MRPL37: variants seen among roughly 807,000 people sequenced by gnomAD.
MRPL37 encodes the protein mitochondrial ribosomal protein L37, also known as large ribosomal subunit protein mL37.
Under a neutral mutation model 44.1 loss-of-function variants are expected in MRPL37, and 34 were observed. That is an observed-to-expected ratio of 0.77 (90% CI 0.59 to 1.03). The LOEUF is 1.03. MRPL37 is among the 50% of genes least tolerant of loss of function. The pLI is 0.00. For missense variants in MRPL37, 532 were observed against 543.7 expected (o/e 0.98, Z 0.21); for synonymous variants, 212 against 219.5 (o/e 0.97, Z 0.30).
chr1:54,200,303 T>TG lies in MRPL37; in HGVS notation c.65dup (p.Phe23LeufsTer10). 1 of 1,612,754 alleles carries TG rather than the reference T, an allele frequency of 6.2e-7. No homozygotes were observed. The highest frequency in any genetic ancestry group is 8.5e-7 in the Non-Finnish European group (1 of 1,179,670). ...TAGCTGGCTCCGGGCAGCTCGGCCT[T>TG]GGGGGCTTCGGGGCCCCGAGACGCG... On this transcript the variant is annotated frameshift_variant, in exon 1 of 7. Transcript: ENST00000360840. LOFTEE classifies it high-confidence loss of function.
At chr1:54,204,747 C>T (rs1174074018) in intron 1 of MRPL37, among the ~76,000 whole-genome samples, 1 of 152,216 alleles carries the variant, frequency 6.6e-6, no homozygotes, top group Non-Finnish European at 1.5e-5. Flanking sequence ...AGGTCTTAGC[C>T]ACTGTGTGAA....
At chr1:54,202,240 G>T (rs1380831702) in intron 1 of MRPL37, among the ~76,000 whole-genome samples, 2 of 152,032 alleles carry the variant, frequency 1.3e-5, no homozygotes, top group Non-Finnish European at 2.9e-5. Context: ...GGACTCAAGT[G>T]ATCCTCCTGC....
Position 54,216,325 on chromosome 1 carries a change from TC to T in MRPL37, c.1176del (p.Lys394ArgfsTer22). The T allele has an allele frequency of 1.2e-6, 2 of 1,614,022 alleles. No individual in the cohort carries two copies. The highest frequency in any genetic ancestry group is 1.7e-6 in the Non-Finnish European group (2 of 1,180,010). On this transcript the variant is annotated frameshift_variant, in exon 6 of 7. Coordinates refer to ENST00000360840, the MANE Select transcript of MRPL37 (RefSeq NM_016491.4). LOFTEE classifies it high-confidence loss of function. ...CAGCATTTTTGGTGTCTCCCAGTGA[TC>T]AAAAAGAGAGTGGTTGTGGTAAGTT... is the stretch of plus-strand genomic sequence containing the variant. Reference protein sequence around the residue: ...LYQHFWCLPVIKKRVVVEPVG... With the variant: ...LYQHFWCLPVXKKRVVVEPVG...
At chr1:54,215,763 T>G (rs574758431) in intron 5 of MRPL37, among the ~76,000 whole-genome samples, 2 of 152,348 alleles carry the variant, frequency 1.3e-5, no homozygotes, top group South Asian at 2.1e-4. Flanking sequence ...GATTCACATT[T>G]GATAGCTGAT....
chr1:54,224,072 T>A (rs1644256559), downstream of MRPL37, among the ~76,000 whole-genome samples: 1 of 152,190 alleles, frequency 6.6e-6, no homozygotes, highest in African/African-American at 2.4e-5. Flanking sequence ...GGCACCCTGA[T>A]CCCATGGCTC....
downstream of MRPL37, among the ~76,000 whole-genome samples, chr1:54,219,895 C>T (rs1337811603): frequency 1.3e-5 from 2 of 152,222 alleles, no homozygotes; most frequent in Non-Finnish European, 2.9e-5. Flanking sequence ...AGGATCTCTT[C>T]GTTCTTTTGA....
chr1:54,212,697 G>A lies in MRPL37; in HGVS notation c.990+39G>A, dbSNP rs372112531. 4.5e-4 allele frequency: 721 copies of A among 1,612,890 alleles called. 3 individuals carry two copies. In the African/African-American group the frequency reaches 7.5e-3, roughly 17 times the overall value. On this transcript the variant is annotated intron_variant, in intron 5 of 6. Coordinates refer to ENST00000360840, the MANE Select transcript of MRPL37 (RefSeq NM_016491.4). The stretch of plus-strand genomic sequence containing the variant: ...GAAGACCACTGAGTTGCTTTACGTG[G>A]TGTTGGTCTCCTCCCTTAAGGTTAC...
chr1:54,220,812 G>A (rs772751271), downstream of MRPL37: 6 of 470,774 alleles, frequency 1.3e-5, no homozygotes, highest in African/African-American at 4.0e-5. Context: ...GCTGGATAGC[G>A]AAACCCCACG....
chr1:54,212,603 A>G lies in MRPL37; in HGVS notation c.935A>G (p.Lys312Arg), dbSNP rs749703731. The change falls in exon 5 of 7, where the codon AAG becomes AGG. Residue 312 changes from lysine to arginine, a missense_variant. Coordinates refer to ENST00000360840, the MANE Select transcript of MRPL37 (RefSeq NM_016491.4). ...CTTCAACCAGATCAGCTGCGGGCCA[A>G]GATGATCCTGTTTGCTTTTGGCAGT... ...HRLQPDQLRA[K>R]MILFAFGSAL... 24 of 1,614,118 alleles carry G rather than the reference A, an allele frequency of 1.5e-5. No homozygotes were observed. In the Admixed American group the frequency reaches 1.8e-4, roughly 12 times the overall value.
At chr1:54,214,396 T>C (rs1309484799) in intron 5 of MRPL37, among the ~76,000 whole-genome samples, 1 of 152,230 alleles carries the variant, frequency 6.6e-6, no homozygotes, top group Non-Finnish European at 1.5e-5. Flanking sequence ...TGTGACCTTG[T>C]GTCTTTCCAA....
intron 1 of MRPL37, among the ~76,000 whole-genome samples, chr1:54,203,655 T>C (rs1462885212): frequency 1.3e-5 from 2 of 151,932 alleles, no homozygotes; most frequent in Non-Finnish European, 2.9e-5. Context: ...TTTGTATTTT[T>C]AGTAGAGACG....
At chr1:54,203,377 A>G (rs11804121) in intron 1 of MRPL37, among the ~76,000 whole-genome samples, 25,925 of 152,032 alleles carry the variant, frequency 0.17, 2,393 homozygotes, top group African/African-American at 0.23. Flanking sequence ...AACCAGATTA[A>G]ATTAAAAAAC....
intron 1 of MRPL37, among the ~76,000 whole-genome samples, chr1:54,203,243 C>G (rs1238259874): frequency 6.6e-6 from 1 of 152,112 alleles, no homozygotes; most frequent in Non-Finnish European, 1.5e-5. Context: ...CAGCCTTGAC[C>G]TCCTGGGCTC....
At chr1:54,205,482 C>A in intron 3 of MRPL37, 72 bp downstream of exon 3, 1 of 1,258,938 alleles carries the variant, frequency 7.9e-7, no homozygotes, top group Non-Finnish European at 1.1e-6. Context: ...CCACCACCAG[C>A]TCCCATCCCC....
Position 54,200,388 on chromosome 1 carries a change from G to A in MRPL37, c.145G>A (p.Val49Met), listed in dbSNP as rs200221315. 6.2e-7 allele frequency: 1 copy of A among 1,614,262 alleles called. No homozygotes were observed. The highest frequency in any genetic ancestry group is 8.5e-7 in the Non-Finnish European group (1 of 1,180,048). ...GTCGGAGCCTCCTCCCCTGGATAGG[G>A]TGTACGAGATCCCTGGACTGGAGCC... ...RKSEPPPLDRVYEIPGLEPIT... is the reference protein window; with the variant it reads ...RKSEPPPLDRMYEIPGLEPIT... The change falls in exon 1 of 7, where the codon GTG (valine) becomes ATG (methionine). Residue 49 changes from valine to methionine, a missense_variant. By Grantham distance (21) the Val-to-Met change is conservative. Transcript: ENST00000360840.
chr1:54,212,434 T>C (rs1644171273), intron 4 of MRPL37, 67 bp from the exon 5 acceptor site: 2 of 1,577,098 alleles, frequency 1.3e-6, no homozygotes, highest in Non-Finnish European at 1.7e-6. Flanking sequence ...GCGAGGTGAC[T>C]TTCCTGAGGC....
At chr1:54,211,673 T>C (rs1263231083) in intron 4 of MRPL37, among the ~76,000 whole-genome samples, 1 of 152,112 alleles carries the variant, frequency 6.6e-6, no homozygotes, top group Non-Finnish European at 1.5e-5. Flanking sequence ...TTGTATTCTT[T>C]TTAGAGATAG....
intron 3 of MRPL37, among the ~76,000 whole-genome samples, chr1:54,206,546 G>C (rs964485085): frequency 2.6e-5 from 4 of 151,812 alleles, no homozygotes; most frequent in African/African-American, 9.7e-5. Context: ...AGTAACTGGG[G>C]TTATGGGCAT....
At chr1:54,206,337 C>T (rs1467527278) in intron 3 of MRPL37, among the ~76,000 whole-genome samples, 2 of 152,034 alleles carry the variant, frequency 1.3e-5, no homozygotes, top group Admixed American at 6.6e-5. Context: ...TGGTCTCGAT[C>T]TCCTGACCTC....
Sources: allele counts gnomAD v4.1 joint callset (sites outside exome capture counted in the v4.1 genomes callset), GRCh38; gene constraint gnomAD v4.1.1; transcripts MANE v1.5; gene names NCBI Gene and HGNC (gene_info 2026-07-23, HGNC 2026-07-21).